SLC16A9: variants seen among roughly 807,000 people sequenced by gnomAD.
The protein encoded by SLC16A9 is solute carrier family 16 member 9.
SLC16A9 carries 26 observed loss-of-function variants against 44.3 expected under a neutral mutation model. The ratio of observed to expected loss-of-function variants is 0.59; its 90% CI spans 0.43 to 0.81. The LOEUF (loss-of-function observed/expected upper bound fraction) is 0.81, where lower values mean the gene tolerates loss of function less well. Ranked by LOEUF, SLC16A9 falls within the 40% of genes least tolerant of loss-of-function variation. The pLI is 0.00. For missense variants in SLC16A9, 559 were observed against 595.8 expected, an observed-to-expected ratio of 0.94 and a Z score of 0.64; for synonymous variants, 230 against 225.1, an observed-to-expected ratio of 1.02 and a Z score of -0.19.
chr10:59,699,621 A>G (rs918393152), intron 1 of SLC16A9, among the ~76,000 whole-genome samples: 1 of 152,122 alleles, frequency 6.6e-6, no homozygotes, highest in African/African-American at 2.4e-5. Context: ...TAATAATTAT[A>G]TGAGTTAATT....
chr10:59,697,146 C>T (rs1840410232), intron 1 of SLC16A9, among the ~76,000 whole-genome samples: 1 of 124,114 alleles, frequency 8.1e-6, no homozygotes, highest in African/African-American at 2.9e-5. Context: ...CCACCCCGTC[C>T]GGGAGGTGAG....
intron 3 of SLC16A9, among the ~76,000 whole-genome samples, chr10:59,667,193 G>A: frequency 6.6e-6 from 1 of 152,134 alleles, no homozygotes; most frequent in East Asian, 1.9e-4. Flanking sequence ...GTTCCTCATT[G>A]CAATTAATCC....
chr10:59,676,895 C>T (rs549293495), intron 2 of SLC16A9, among the ~76,000 whole-genome samples: 44 of 147,096 alleles, frequency 3.0e-4, no homozygotes, highest in African/African-American at 1.0e-3. Flanking sequence ...TGTGCTCCAG[C>T]CTGGGCAATG....
chr10:59,684,814 C>T (rs1428925545), intron 1 of SLC16A9, among the ~76,000 whole-genome samples: 1 of 152,160 alleles, frequency 6.6e-6, no homozygotes, highest in Non-Finnish European at 1.5e-5. Context: ...GTTGGGATGA[C>T]CCTTCAGAGA....
chr10:59,687,057 C>G (rs1044756619), intron 1 of SLC16A9, among the ~76,000 whole-genome samples: 6 of 152,162 alleles, frequency 3.9e-5, no homozygotes, highest in African/African-American at 1.4e-4. Context: ...ACAGGCACCA[C>G]CATGCCCAGC....
chr10:59,666,570 G>A (rs1465983947), intron 3 of SLC16A9, among the ~76,000 whole-genome samples: 5 of 152,080 alleles, frequency 3.3e-5, no homozygotes, highest in East Asian at 1.9e-4. Flanking sequence ...GTATTCCTAA[G>A]GAACTAGACA....
intron 1 of SLC16A9, among the ~76,000 whole-genome samples, chr10:59,706,710 C>T (rs1453237695): frequency 3.3e-5 from 5 of 151,918 alleles, no homozygotes; most frequent in South Asian, 4.1e-4. Context: ...TGGTGGCTCA[C>T]GCCTGTAATC....
At chr10:59,699,979 T>C (rs1161368526) in intron 1 of SLC16A9, among the ~76,000 whole-genome samples, 2 of 150,096 alleles carry the variant, frequency 1.3e-5, no homozygotes, top group East Asian at 2.0e-4. Flanking sequence ...CCAAAAATAA[T>C]AACAGGATAT....
At position 59,688,545 on chromosome 10, in the gene SLC16A9, T is replaced by C. The variant is rs775447774; in HGVS notation, c.-36-4218A>G. ...CAGAAACTTTTGTAGTAATCAAATA[T>C]GTCCCTCCATTGGAAATTTGCTCTC... On this transcript the variant is annotated intron_variant, in intron 1 of 5. Coordinates refer to ENST00000395348, the MANE Select transcript of SLC16A9 (RefSeq NM_194298.3). 1.8e-3 allele frequency among the ~76,000 whole-genome samples: 268 copies of C among 152,214 alleles called. 1 individual carries two copies. Among genetic ancestry groups the C allele is most frequent in the Non-Finnish European group, 3.3e-3 (222 of 68,006 alleles).
At chr10:59,686,756 A>C (rs1057274964) in intron 1 of SLC16A9, among the ~76,000 whole-genome samples, 1 of 152,160 alleles carries the variant, frequency 6.6e-6, no homozygotes, top group Admixed American at 6.5e-5. Flanking sequence ...ATCTCCTTAT[A>C]TGTCTTAAAT....
chr10:59,683,461 C>T (rs1208152353), intron 2 of SLC16A9, among the ~76,000 whole-genome samples: 1 of 152,206 alleles, frequency 6.6e-6, no homozygotes, highest in East Asian at 1.9e-4. Context: ...AAATATATCA[C>T]ATATGTCTTA....
intron 3 of SLC16A9, among the ~76,000 whole-genome samples, chr10:59,669,043 T>C (rs1839687131): frequency 6.6e-6 from 1 of 151,918 alleles, no homozygotes; most frequent in Admixed American, 6.6e-5. Flanking sequence ...AGGGCAGTGG[T>C]GGGAGGTGAG....
chr10:59,693,679 G>C (rs960523947), intron 1 of SLC16A9, among the ~76,000 whole-genome samples: 6 of 152,008 alleles, frequency 3.9e-5, no homozygotes, highest in African/African-American at 1.5e-4. Flanking sequence ...GAGTGCAGTG[G>C]CGTGATCTCG....
At chr10:59,681,783 G>GATGTATATGTAT (rs6143937) in intron 2 of SLC16A9, among the ~76,000 whole-genome samples, 183 of 5,092 alleles carry the variant, frequency 0.036, 62 homozygotes, top group African/African-American at 0.045. Flanking sequence ...ATATGTATAT[G>GATGTATATGTAT]ATGTATATGT....
At chr10:59,708,403 A>G (rs1360623627) in intron 1 of SLC16A9, among the ~76,000 whole-genome samples, 2 of 152,308 alleles carry the variant, frequency 1.3e-5, no homozygotes, top group East Asian at 3.9e-4. Context: ...AATTTCTCGA[A>G]GCTGAAGCCA....
In SLC16A9 at chr10:59,652,691, T is replaced by C. The variant is rs1481843971; in HGVS notation, c.*81A>G. ...TGCTATGAGAAAATAGTCTTGACTC[T>C]AGAAAATTTGCTTGAGAATCTGTTA... is the stretch of plus-strand genomic sequence containing the variant. On this transcript the variant is annotated 3_prime_UTR_variant, in exon 6 of 6. Coordinates refer to ENST00000395348, the MANE Select transcript of SLC16A9 (RefSeq NM_194298.3). 1.5e-6 allele frequency: 2 copies of C among 1,322,500 alleles called. No individual in the cohort carries two copies. The highest frequency in any genetic ancestry group is 2.0e-6 in the Non-Finnish European group (2 of 977,658). 81.9% of individuals were successfully genotyped at this position (1,322,500 alleles called of 1,614,324 possible).
rs770089674 is a variant in SLC16A9, at chr10:59,653,761, G to A, written c.1265C>T (p.Thr422Ile). Residue 422 changes from threonine (T) to isoleucine (I), a missense_variant, in exon 5 of 6, where the codon ACT becomes ATT. Physicochemically the swap from Thr to Ile is moderately conservative, Grantham distance 89. Transcript: ENST00000395348. ...ATGGGCTAATTTTTCAATTCCCACA[G>A]TCTTCGTGGTCACATATGGAAAGAT... is the stretch of plus-strand genomic sequence containing the variant. ...WSIFPYVTTK[T>I]VGIEKLAHAY... is the part of the protein sequence containing the mutation. 3.2e-5 allele frequency: 51 copies of A among 1,613,936 alleles called. No homozygotes were observed. Among genetic ancestry groups the A allele is most frequent in the Admixed American group, 8.3e-5 (5 of 59,984 alleles).
intron 1 of SLC16A9, among the ~76,000 whole-genome samples, chr10:59,705,863 T>C (rs993301811): frequency 3.9e-5 from 6 of 152,220 alleles, no homozygotes; most frequent in Non-Finnish European, 7.3e-5. Context: ...ATACCAATAA[T>C]GTTCAATCAT....
chr10:59,685,611 T>C (rs1407789544), intron 1 of SLC16A9, among the ~76,000 whole-genome samples: 1 of 152,262 alleles, frequency 6.6e-6, no homozygotes, highest in Non-Finnish European at 1.5e-5. Context: ...CTGCACTGTA[T>C]TCCAGTATGG....
Sources: allele counts gnomAD v4.1 joint callset (sites outside exome capture counted in the v4.1 genomes callset), GRCh38; gene constraint gnomAD v4.1.1; transcripts MANE v1.5; gene names NCBI Gene and HGNC (gene_info 2026-07-23, HGNC 2026-07-21).